DAP3: variants seen among roughly 807,000 people sequenced by gnomAD.
DAP3 encodes small ribosomal subunit protein mS29.
Under a neutral mutation model 51.9 loss-of-function variants are expected in DAP3, and 28 were observed. The observed-to-expected ratio is 0.54, with a 90% CI of 0.40 to 0.74. The LOEUF (loss-of-function observed/expected upper bound fraction) is 0.74. Among genes scored for constraint, DAP3 ranks in the 30% least tolerant of loss-of-function variants. The probability of loss-of-function intolerance (pLI) is 0.00; values close to 1 mark genes in which losing one functional copy is unlikely to be tolerated. For synonymous variants in DAP3, 170 were observed against 170.3 expected (o/e 1.00, Z 0.01); for missense variants, 458 against 483.5 (o/e 0.95, Z 0.49).
rs1291723435 is a variant in DAP3, at chr1:155,738,565, TA to T, written c.*324del. 1 of 237,110 alleles carries T rather than the reference TA, an allele frequency of 4.2e-6. No individual in the cohort carries two copies. The highest frequency in any genetic ancestry group is 8.2e-6 in the Non-Finnish European group (1 of 121,948). The allele number at this position is 237,110 out of a possible 1,614,324, so 14.7% of individuals were successfully genotyped here. The stretch of plus-strand genomic sequence containing the variant: ...AGATTAATAATATGGAAGGAGTCTT[TA>T]GATTGGCCAAATTGCATTTCTCTGA... On this transcript the variant is annotated 3_prime_UTR_variant, in exon 13 of 13. Transcript: ENST00000368336.
At chr1:155,718,422 C>T (rs1015224696) in intron 3 of DAP3, among the ~76,000 whole-genome samples, 4 of 151,926 alleles carry the variant, frequency 2.6e-5, no homozygotes, top group African/African-American at 2.4e-5. Flanking sequence ...AGGTGGCTCA[C>T]GCCTGTAATC....
At position 155,729,026 on chromosome 1, in the gene DAP3, C is replaced by G. The variant is rs774705445; in HGVS notation, c.604-16C>G. On this transcript the variant is annotated splice_polypyrimidine_tract_variant and intron_variant, in intron 7 of 12. Transcript: ENST00000368336. ...TAGCCTTTTTTTTGGTTTTTATTTT[C>G]TTTGCTTGCTTTTAGATAAAAGTTC... is the stretch of plus-strand genomic sequence containing the variant. 6.2e-7 allele frequency: 1 copy of G among 1,607,048 alleles called. No individual in the cohort carries two copies. The highest frequency in any genetic ancestry group is 8.5e-7 in the Non-Finnish European group (1 of 1,178,080).
rs1211439104 is a variant in DAP3, at chr1:155,694,052, C to CT, written c.-8+4882dup. 1.4e-5 allele frequency among the ~76,000 whole-genome samples: 2 copies of CT among 141,930 alleles called. 1 individual carries two copies. The highest frequency in any genetic ancestry group is 6.4e-5 in the African/African-American group (2 of 31,388). The allele number at this position is 141,930 out of a possible 152,430, so 93.1% of individuals were successfully genotyped here. On this transcript the variant is annotated intron_variant, in intron 1 of 12. Transcript: ENST00000368336. Reference sequence around the variant, plus strand: ...TGTTGTTGAGGTTGTTGACACCTCTCTTTTCTGGGCTTAAACTGTTACAGT... The same window carrying CT: ...TGTTGTTGAGGTTGTTGACACCTCTCTTTTTCTGGGCTTAAACTGTTACAGT...
At chr1:155,719,643 G>T (rs1391892434) in intron 3 of DAP3, among the ~76,000 whole-genome samples, 1 of 151,912 alleles carries the variant, frequency 6.6e-6, no homozygotes, top group Non-Finnish European at 1.5e-5. Context: ...CCACCTCCCG[G>T]GTTCAAGCAG....
intron 1 of DAP3, among the ~76,000 whole-genome samples, chr1:155,696,342 A>G (rs1047976827): frequency 6.6e-6 from 1 of 151,462 alleles, no homozygotes; most frequent in Non-Finnish European, 1.5e-5. Context: ...ATTCTCTTTT[A>G]TGGTGTAAGT....
At chr1:155,708,791 G>A (rs1330983650) in intron 1 of DAP3, among the ~76,000 whole-genome samples, 9 of 145,926 alleles carry the variant, frequency 6.2e-5, no homozygotes, top group East Asian at 2.0e-4. Context: ...TGTAAGCTCC[G>A]CCTCCCAGTT....
At chr1:155,736,917 C>G in intron 11 of DAP3, 29 bp from the exon 12 acceptor site, 1 of 1,549,790 alleles carries the variant, frequency 6.5e-7, no homozygotes, top group Non-Finnish European at 8.9e-7. Flanking sequence ...CCTTAACTAA[C>G]ATGTTTCCTG....
intron 10 of DAP3, 106 bp downstream of exon 10, chr1:155,731,521 C>T (rs764631647): frequency 9.1e-5 from 104 of 1,146,464 alleles, no homozygotes; most frequent in Non-Finnish European, 1.3e-4. Flanking sequence ...ATTTTATGGA[C>T]AGTAAGTTAT....
intron 1 of DAP3, among the ~76,000 whole-genome samples, chr1:155,693,282 G>C (rs1387199168): frequency 7.0e-6 from 1 of 141,962 alleles, no homozygotes; most frequent in African/African-American, 3.2e-5. Context: ...GCTTGACACA[G>C]CTCTGAATGG....
At chr1:155,693,301 C>T (rs1204893740) in intron 1 of DAP3, among the ~76,000 whole-genome samples, 2 of 141,878 alleles carry the variant, frequency 1.4e-5, no homozygotes, top group Admixed American at 1.3e-4. Context: ...GGGCGCCATT[C>T]GGTTGGAAGA....
At chr1:155,696,508 G>A (rs348198) in intron 1 of DAP3, among the ~76,000 whole-genome samples, 17,336 of 152,162 alleles carry the variant, frequency 0.11, 3,420 homozygotes, top group African/African-American at 0.4. Context: ...AGGCTTAATG[G>A]CTCTATCTTG....
At chr1:155,690,931 G>A (rs1360268241) in intron 1 of DAP3, among the ~76,000 whole-genome samples, 3 of 141,204 alleles carry the variant, frequency 2.1e-5, no homozygotes, top group Admixed American at 1.3e-4. Flanking sequence ...TTTTTGAGAC[G>A]GAGTCTCGCT....
chr1:155,696,282 G>C (rs374389645), intron 1 of DAP3, among the ~76,000 whole-genome samples: 5 of 151,898 alleles, frequency 3.3e-5, no homozygotes, highest in African/African-American at 1.2e-4. Context: ...TGGGCTTGCT[G>C]AATTTTTTTT....
intron 1 of DAP3, among the ~76,000 whole-genome samples, chr1:155,701,041 G>T (rs1450828736): frequency 1.6e-5 from 2 of 125,642 alleles, no homozygotes; most frequent in Non-Finnish European, 3.2e-5. Flanking sequence ...CGCCCCCTCC[G>T]GGAGGGAGGT....
intron 3 of DAP3, among the ~76,000 whole-genome samples, chr1:155,718,701 AAGAAAGATAGATAGAT>A (rs1326746850): frequency 1.5e-5 from 2 of 134,262 alleles, no homozygotes; most frequent in African/African-American, 5.5e-5. Context: ...AAAAAAAAGA[AAGAAAGATAGATAGAT>A]AGATAGATAG....
At chr1:155,737,685 G>A (rs1659946896) in intron 12 of DAP3, among the ~76,000 whole-genome samples, 1 of 151,988 alleles carries the variant, frequency 6.6e-6, no homozygotes, top group Admixed American at 6.6e-5. Context: ...TACACTTTGG[G>A]AGGGCAAGGT....
At chr1:155,710,471 C>G (rs1656560999) in intron 2 of DAP3, 1 of 152,200 alleles carries the variant, frequency 6.6e-6, no homozygotes, top group African/African-American at 2.4e-5. Flanking sequence ...ACTTCGTGAT[C>G]TGCCCACCTA....
chr1:155,737,161 A>C (rs1659894998), intron 12 of DAP3, 98 bp downstream of exon 12: 1 of 839,288 alleles, frequency 1.2e-6, no homozygotes. Context: ...AACAGCCTCT[A>C]ATTTGTACTT....
intron 11 of DAP3, among the ~76,000 whole-genome samples, chr1:155,733,081 CA>C (rs1659410222): frequency 1.3e-5 from 2 of 152,224 alleles, no homozygotes; most frequent in South Asian, 4.1e-4. Flanking sequence ...GACAGTCTGT[CA>C]GTCTTTGTCA....
Sources: allele counts gnomAD v4.1 joint callset (sites outside exome capture counted in the v4.1 genomes callset), GRCh38; gene constraint gnomAD v4.1.1; transcripts MANE v1.5; gene names NCBI Gene and HGNC (gene_info 2026-07-23, HGNC 2026-07-21).